FXR1: variants seen among roughly 807,000 people sequenced by gnomAD.
FXR1 encodes RNA-binding protein FXR1.
Under a neutral mutation model 84.0 loss-of-function variants are expected in FXR1, and 15 were observed. That is an observed-to-expected ratio of 0.18 (90% CI 0.12 to 0.27). FXR1 has a LOEUF of 0.27. Ranked by LOEUF, FXR1 falls within the 10% of genes least tolerant of loss-of-function variation. FXR1 has a pLI of 1.00. For missense variants in FXR1, 480 were observed against 774.4 expected, an observed-to-expected ratio of 0.62 and a Z score of 4.51; for synonymous variants, 245 against 250.7, an observed-to-expected ratio of 0.98 and a Z score of 0.21.
chr3:180,948,896 C>A, intron 6 of FXR1, 82 bp downstream of exon 6: 1 of 755,998 alleles, frequency 1.3e-6, no homozygotes, highest in Non-Finnish European at 2.3e-6. Context: ...AAGAGAAAAG[C>A]TAAGATCAAC....
In FXR1 at chr3:180,966,803, G is replaced by A. The variant is rs1452299601; in HGVS notation, c.1199-1248G>A. ...GGTCTGAAGTTAGAATTTGAACTAGGCCCTGAAGGAGATATATTTGGTCAT... is the reference window on the plus strand; with the variant it reads ...GGTCTGAAGTTAGAATTTGAACTAGACCCTGAAGGAGATATATTTGGTCAT... On this transcript the variant is annotated intron_variant, in intron 13 of 16. Coordinates refer to ENST00000357559, the MANE Select transcript of FXR1 (RefSeq NM_005087.4). 3.3e-5 allele frequency among the ~76,000 whole-genome samples: 5 copies of A among 152,056 alleles called. No individual in the cohort carries two copies. In the East Asian group the frequency reaches 9.6e-4, roughly 29 times the overall value.
intron 14 of FXR1, among the ~76,000 whole-genome samples, chr3:180,969,117 ATTAGGAACTT>A (rs1405248705): frequency 6.7e-6 from 1 of 149,054 alleles, no homozygotes; most frequent in Non-Finnish European, 1.5e-5. Flanking sequence ...CAGGGCAAAA[ATTAGGAACTT>A]GTTCTTTGTT....
intron 3 of FXR1, among the ~76,000 whole-genome samples, chr3:180,943,036 G>T (rs1232021595): frequency 6.6e-6 from 1 of 151,860 alleles, no homozygotes; most frequent in African/African-American, 2.4e-5. Flanking sequence ...GCGTGATCTC[G>T]GCTCACTGCA....
At chr3:180,975,137 C>G (rs984447663) in intron 15 of FXR1, among the ~76,000 whole-genome samples, 176 bp from the exon 16 acceptor site, 1 of 152,098 alleles carries the variant, frequency 6.6e-6, no homozygotes, top group Admixed American at 6.5e-5. Flanking sequence ...TCTTCAGCAC[C>G]AAAAGCCCAG....
chr3:180,922,257 C>T (rs977174473), intron 1 of FXR1, among the ~76,000 whole-genome samples: 5 of 152,098 alleles, frequency 3.3e-5, no homozygotes, highest in African/African-American at 4.8e-5. Context: ...TCCAAAAAGG[C>T]TTCTGATGCT....
chr3:180,954,014 TATTGTC>T, intron 9 of FXR1, 174 bp downstream of exon 9: 3 of 544,692 alleles, frequency 5.5e-6, no homozygotes, highest in Non-Finnish European at 9.6e-6. Flanking sequence ...TGTAACTTGT[TATTGTC>T]ATATGTTAAA....
In FXR1 at chr3:180,915,476, T is replaced by C. The variant is rs576563640; in HGVS notation, c.51+2740T>C. 8.3e-6 allele frequency: 12 copies of C among 1,441,340 alleles called. No homozygotes were observed. In the South Asian group the frequency reaches 1.5e-4, roughly 18 times the overall value. The allele number at this position is 1,441,340 out of a possible 1,614,324, so 89.3% of individuals were successfully genotyped here. On this transcript the variant is annotated intron_variant, in intron 1 of 16. Coordinates refer to ENST00000357559, the MANE Select transcript of FXR1 (RefSeq NM_005087.4). ...CGGCTTCCATTTAGCGTAGAAGCAATTTAATTTTAATTAGTTTTTTTCCAA... is the reference window on the plus strand; with the variant it reads ...CGGCTTCCATTTAGCGTAGAAGCAACTTAATTTTAATTAGTTTTTTTCCAA...
intron 1 of FXR1, among the ~76,000 whole-genome samples, chr3:180,916,313 G>A (rs1185539531): frequency 6.6e-6 from 1 of 152,188 alleles, no homozygotes; most frequent in Non-Finnish European, 1.5e-5. Flanking sequence ...TCATTAAAGT[G>A]CTTTTTAACT....
chr3:180,953,865 A>C (rs199571585), intron 9 of FXR1, 25 bp downstream of exon 9: 1 of 1,126,564 alleles, frequency 8.9e-7, no homozygotes, highest in South Asian at 1.3e-5. Context: ...TAAATGTTAA[A>C]TAAGTTAATA....
rs1329251729 is a variant in FXR1 at position 180,961,561 on chromosome 3, A to G, written c.1077+7A>G. 2 of 1,194,366 alleles carry G rather than the reference A, an allele frequency of 1.7e-6. No homozygotes were observed. Among genetic ancestry groups the G allele is most frequent in the African/African-American group, 1.5e-5 (1 of 66,890 alleles). 74.0% of individuals were successfully genotyped at this position (1,194,366 alleles called of 1,614,324 possible). A position where few individuals can be genotyped will look rare whatever the true frequency, so the allele number is the denominator to read the frequency against. On this transcript the variant is annotated splice_region_variant and intron_variant, in intron 11 of 16. Coordinates refer to ENST00000357559, the MANE Select transcript of FXR1 (RefSeq NM_005087.4). ...TCATATTGCCTATCTAAAGGTTTGT[A>G]TACGGTTCATACTATATTCTGATAT...
At chr3:180,943,047 A>G (rs1721301349) in intron 3 of FXR1, among the ~76,000 whole-genome samples, 1 of 151,126 alleles carries the variant, frequency 6.6e-6, no homozygotes, top group Non-Finnish European at 1.5e-5. Flanking sequence ...GCTCACTGCA[A>G]CCTCTGCCTC....
At position 180,961,512 on chromosome 3, in the gene FXR1, A is replaced by G. The variant is rs1712114557; in HGVS notation, c.1035A>G (p.Gly345=). ...TTGTTGGCACTAAAGAAAGCATTGG[A>G]AATGTGCAGGTTCTTCTAGAGTATC... ...FVFVGTKESI[G]NVQVLLEYHI... is the part of the protein sequence containing the mutation. The change falls in exon 11 of 17, where the codon GGA becomes GGG. Residue 345 remains glycine, a synonymous_variant. Transcript: ENST00000357559. 17 of 1,572,510 alleles carry G rather than the reference A, an allele frequency of 1.1e-5. No homozygotes were observed. Among genetic ancestry groups the G allele is most frequent in the Non-Finnish European group, 1.5e-5 (17 of 1,142,478 alleles).
At chr3:180,956,174 C>T (rs1805605) in intron 9 of FXR1, among the ~76,000 whole-genome samples, 1 of 152,038 alleles carries the variant, frequency 6.6e-6, no homozygotes, top group East Asian at 1.9e-4. Context: ...TCTGAGAGTT[C>T]TAAGATGACC....
chr3:180,921,974 A>G (rs2108427129), intron 1 of FXR1, among the ~76,000 whole-genome samples: 1 of 152,302 alleles, frequency 6.6e-6, no homozygotes, highest in African/African-American at 2.4e-5. Context: ...ATTCAGTTAC[A>G]AGTATAGGGT....
rs1168225096 is a variant in FXR1, at chr3:180,915,611, T to C, written c.51+2875T>C. 6.0e-6 allele frequency: 5 copies of C among 826,766 alleles called. No individual in the cohort carries two copies. The South Asian group carries it at 7.1e-5, about 12-fold the overall frequency. The allele number at this position is 826,766 out of a possible 1,614,324, so 51.2% of individuals were successfully genotyped here. A position where few individuals can be genotyped will look rare whatever the true frequency, so the allele number is the denominator to read the frequency against. ...TTTAGTGTATTTCTTTGGTTTTTTT[T>C]GGTGGTTTTTCAATGTACAGGTGAT... On this transcript the variant is annotated intron_variant, in intron 1 of 16. Coordinates refer to ENST00000357559, the MANE Select transcript of FXR1 (RefSeq NM_005087.4).
chr3:180,962,815 AGCTTTAG>A (rs1342011493), intron 11 of FXR1, 61 bp from the exon 12 acceptor site: 36 of 1,032,090 alleles, frequency 3.5e-5, no homozygotes, highest in Non-Finnish European at 5.2e-5. Context: ...GTACAGCTTT[AGCTTTAG>A]GCTTTAGGAA....
At chr3:180,974,856 C>T (rs914533264) in intron 15 of FXR1, among the ~76,000 whole-genome samples, 5 of 152,108 alleles carry the variant, frequency 3.3e-5, no homozygotes, top group African/African-American at 1.2e-4. Context: ...CACACACACA[C>T]ATTTGAGTAA....
intron 8 of FXR1, among the ~76,000 whole-genome samples, chr3:180,953,383 G>A (rs1416892724): frequency 6.6e-6 from 1 of 152,116 alleles, no homozygotes; most frequent in Non-Finnish European, 1.5e-5. Context: ...TTAACAATTT[G>A]TATTGTTAAC....
chr3:180,933,297 AAT>A (rs775213000), intron 1 of FXR1, 35 bp from the exon 2 acceptor site: 42 of 1,250,454 alleles, frequency 3.4e-5, no homozygotes, highest in Non-Finnish European at 4.7e-5. Flanking sequence ...GAAGTGCTTT[AAT>A]ATCTATGCTT....
Sources: allele counts gnomAD v4.1 joint callset (sites outside exome capture counted in the v4.1 genomes callset), GRCh38; gene constraint gnomAD v4.1.1; transcripts MANE v1.5; gene names NCBI Gene and HGNC (gene_info 2026-07-23, HGNC 2026-07-21).